ARMH1: variants seen among roughly 807,000 people sequenced by gnomAD.
The protein encoded by ARMH1 is armadillo-like helical domain containing protein 1.
ARMH1 carries 34 observed loss-of-function variants against 50.2 expected under a neutral mutation model. The observed-to-expected ratio is 0.68, with a 90% confidence interval of 0.51 to 0.90. The LOEUF (loss-of-function observed/expected upper bound fraction) is 0.90, where lower values mean the gene tolerates loss of function less well. Among genes scored for constraint, ARMH1 ranks in the 40% least tolerant of loss-of-function variants. The pLI is 0.00. For synonymous variants in ARMH1, 221 were observed against 224.2 expected (o/e 0.99, Z 0.13); for missense variants, 538 against 553.9 (o/e 0.97, Z 0.29).
Position 44,724,642 on chromosome 1 carries a change from C to A in ARMH1, c.1024C>A (p.Gln342Lys), listed in dbSNP as rs951935201. The A allele has an allele frequency of 1.4e-5, 21 of 1,503,150 alleles. No homozygotes were observed. Among genetic ancestry groups the A allele is most frequent in the African/African-American group, 1.5e-5 (1 of 68,644 alleles). 93.1% of individuals were successfully genotyped at this position (1,503,150 alleles called of 1,614,324 possible). The change falls in exon 9 of 12, where the codon CAG (glutamine) becomes AAG (lysine). Residue 342 changes from glutamine to lysine, a missense_variant. Physicochemically the swap from Gln to Lys is moderately conservative, Grantham distance 53 (BLOSUM62 1). Coordinates refer to ENST00000535358, the MANE Select transcript of ARMH1 (RefSeq NM_001145636.2). This position sits in a 1 kb window ranked among gnomAD's most constrained non-coding sequence, Gnocchi z 6.4. ...AMGNTDHSNS[Q>K]RLASLTLECF... is the part of the protein sequence containing the mutation. Reference sequence around the variant, plus strand: ...GGGCAACACGGACCACAGCAACAGCCAGCGGCTGGCCAGCCTCACGCTGGA... The same window carrying A: ...GGGCAACACGGACCACAGCAACAGCAAGCGGCTGGCCAGCCTCACGCTGGA...
chr1:44,712,862 C>T (rs548442169), intron 6 of ARMH1, among the ~76,000 whole-genome samples: 2 of 152,046 alleles, frequency 1.3e-5, no homozygotes, highest in South Asian at 4.2e-4. Flanking sequence ...CAGGGTTTCA[C>T]CGTGTTGGTC....
intron 6 of ARMH1, among the ~76,000 whole-genome samples, chr1:44,713,358 C>T (rs904700762): frequency 2.0e-5 from 3 of 152,052 alleles, no homozygotes; most frequent in Non-Finnish European, 4.4e-5. Flanking sequence ...CTCGGGCTCC[C>T]AAAGTGCTGG....
At chr1:44,680,996 C>CTTTTTTT (rs1333237982) in intron 1 of ARMH1, among the ~76,000 whole-genome samples, 1 of 138,924 alleles carries the variant, frequency 7.2e-6, no homozygotes, top group Non-Finnish European at 1.5e-5. Flanking sequence ...TTCCGATCCC[C>CTTTTTTT]TTTTTTTTTT....
intron 1 of ARMH1, among the ~76,000 whole-genome samples, chr1:44,675,969 G>A (rs1209680673): frequency 1.4e-4 from 21 of 151,996 alleles, no homozygotes; most frequent in African/African-American, 5.1e-4. Context: ...CAAAAAAAAA[G>A]AAACATTAGT....
rs1557578087 is a variant in ARMH1, at chr1:44,725,403, A to G, written c.1323A>G (p.Ter441=). 1 of 1,551,814 alleles carries G rather than the reference A, an allele frequency of 6.4e-7. No homozygotes were observed. The highest frequency in any genetic ancestry group is 1.2e-5 in the South Asian group (1 of 84,062). The stretch of plus-strand genomic sequence containing the variant: ...AGGAGGATGTAGAATCAAAGGAGTA[A>G]CAGCCCCTGTGGCAAACCAGGAAGG... ...HFEEDVESKE[*] The change falls in exon 12 of 12, where the codon TAA becomes TAG. Residue 441 remains the stop codon, a stop_retained_variant. Coordinates refer to ENST00000535358, the MANE Select transcript of ARMH1 (RefSeq NM_001145636.2).
At position 44,724,657 on chromosome 1, in the gene ARMH1, C is replaced by T; in HGVS notation, c.1039C>T (p.Leu347Phe). The change falls in exon 9 of 12, where the codon CTC becomes TTC. Residue 347 changes from leucine to phenylalanine, a missense_variant. Transcript: ENST00000535358. This position sits in a 1 kb window ranked among gnomAD's most constrained non-coding sequence, Gnocchi z 6.4. ...CAGCAACAGCCAGCGGCTGGCCAGC[C>T]TCACGCTGGAGGTGCGCGCGGCGGC... ...DHSNSQRLAS[L>F]TLECFVQMFP... The T allele has an allele frequency of 2.7e-6, 4 of 1,499,180 alleles. No homozygotes were observed. Among genetic ancestry groups the T allele is most frequent in the Non-Finnish European group, 3.5e-6 (4 of 1,129,524 alleles). 92.9% of individuals were successfully genotyped at this position (1,499,180 alleles called of 1,614,324 possible).
intron 6 of ARMH1, among the ~76,000 whole-genome samples, chr1:44,707,910 T>C (rs1443945756): frequency 6.6e-6 from 1 of 152,246 alleles, no homozygotes; most frequent in Non-Finnish European, 1.5e-5. Flanking sequence ...ACAATGAAAC[T>C]ACATGCCTCA....
intron 6 of ARMH1, among the ~76,000 whole-genome samples, chr1:44,707,447 T>C (rs1301318654): frequency 1.1e-4 from 16 of 152,210 alleles, no homozygotes; most frequent in Admixed American, 1.0e-3. Flanking sequence ...ATTTCTTTTT[T>C]GAGGCAGGGT....
In ARMH1 at chr1:44,725,321, T is replaced by G. The variant is rs1391347289; in HGVS notation, c.1241T>G (p.Met414Arg). 6.4e-7 allele frequency: 1 copy of G among 1,551,682 alleles called. No homozygotes were observed. The highest frequency in any genetic ancestry group is 1.4e-5 in the African/African-American group (1 of 73,052). ...ALCLHGSSYS[M>R]NTLYGSRDSA... ...TGCCTCCATGGCAGCTCCTACAGCA[T>G]GAACACTCTCTATGGCTCGCGCGAT... The change falls in exon 12 of 12, where the codon ATG (methionine) becomes AGG (arginine). Residue 414 changes from methionine to arginine, a missense_variant. By Grantham distance (91) the Met-to-Arg change is moderately conservative. Coordinates refer to ENST00000535358, the MANE Select transcript of ARMH1 (RefSeq NM_001145636.2).
At chr1:44,721,860 A>G (rs528687974) in intron 6 of ARMH1, 2 of 152,312 alleles carry the variant, frequency 1.3e-5, no homozygotes, top group South Asian at 4.1e-4. Context: ...AATCTTTAGT[A>G]AAAGGCGAAA....
chr1:44,697,479 C>T (rs1397627098), intron 3 of ARMH1, among the ~76,000 whole-genome samples: 2 of 152,150 alleles, frequency 1.3e-5, no homozygotes, highest in Non-Finnish European at 2.9e-5. Context: ...GGTAGAAATA[C>T]ATATTTCAGC....
chr1:44,700,421 T>C (rs541485309), intron 4 of ARMH1, among the ~76,000 whole-genome samples: 2 of 152,114 alleles, frequency 1.3e-5, no homozygotes, highest in African/African-American at 2.4e-5. Context: ...ATAAAGACCA[T>C]CCTGGCTAAC....
At chr1:44,693,444 TTTG>T (rs891652161) in intron 2 of ARMH1, among the ~76,000 whole-genome samples, 2 of 152,120 alleles carry the variant, frequency 1.3e-5, no homozygotes, top group Non-Finnish European at 2.9e-5. Context: ...TCATCATGGA[TTTG>T]TTGTTGTTGT....
intron 6 of ARMH1, among the ~76,000 whole-genome samples, chr1:44,709,499 C>A (rs567369733): frequency 1.3e-5 from 2 of 152,028 alleles, no homozygotes; most frequent in African/African-American, 2.4e-5. Flanking sequence ...GGTGAAACCC[C>A]ATCTCTACTA....
At position 44,679,258 on chromosome 1, in the gene ARMH1, G is replaced by T. The variant is rs145530016; in HGVS notation, c.-23+4385G>T. On this transcript the variant is annotated intron_variant, in intron 1 of 11. Transcript: ENST00000535358. The stretch of plus-strand genomic sequence containing the variant: ...CAGAGAGATCCCAATAAGCATGATG[G>T]CATACATATATTTTTCTCTGGCATT... 1.2e-4 allele frequency among the ~76,000 whole-genome samples: 18 copies of T among 152,244 alleles called. No homozygotes were observed. The South Asian group carries it at 2.5e-3, about 21-fold the overall frequency.
At chr1:44,717,459 G>C (rs936356765) in intron 6 of ARMH1, among the ~76,000 whole-genome samples, 3 of 152,092 alleles carry the variant, frequency 2.0e-5, no homozygotes, top group Non-Finnish European at 2.9e-5. Flanking sequence ...GCCAATTCAC[G>C]CATCACCGTC....
Position 44,724,527 on chromosome 1 carries a change from C to T in ARMH1, c.921-12C>T, listed in dbSNP as rs1243778677. The T allele has an allele frequency of 4.0e-6, 6 of 1,505,126 alleles. No individual in the cohort carries two copies. Among genetic ancestry groups the T allele is most frequent in the South Asian group, 1.2e-5 (1 of 81,284 alleles). The allele number at this position is 1,505,126 out of a possible 1,614,324, so 93.2% of individuals were successfully genotyped here. On this transcript the variant is annotated splice_polypyrimidine_tract_variant and intron_variant, in intron 8 of 11. Coordinates refer to ENST00000535358, the MANE Select transcript of ARMH1 (RefSeq NM_001145636.2). This position sits in a 1 kb window ranked among gnomAD's most constrained non-coding sequence, Gnocchi z 6.4. ...CCCCAGGGCGTCGCCCCAGCCCGAACCCCCGGCCCAGGGTCCTGGCGCGCA... is the reference window on the plus strand; with the variant it reads ...CCCCAGGGCGTCGCCCCAGCCCGAATCCCCGGCCCAGGGTCCTGGCGCGCA...
Position 44,704,122 on chromosome 1 carries a change from G to T in ARMH1, c.673G>T (p.Asp225Tyr). 6.4e-7 allele frequency: 1 copy of T among 1,551,294 alleles called. No homozygotes were observed. Among genetic ancestry groups the T allele is most frequent in the Non-Finnish European group, 8.7e-7 (1 of 1,146,828 alleles). The change falls in exon 6 of 12, where the codon GAC becomes TAC. Residue 225 changes from aspartate to tyrosine, a missense_variant. Transcript: ENST00000535358. Reference protein sequence around the residue: ...IIGTTHPSIVDCVLKVLGTMH... With the variant: ...IIGTTHPSIVYCVLKVLGTMH... ...TGGGACCACACACCCCAGCATCGTG[G>T]ACTGCGTGCTGAAGGTGCTGGGCAC... is the stretch of plus-strand genomic sequence containing the variant.
Position 44,709,717 on chromosome 1 carries a change from G to A in ARMH1, c.724+5544G>A, listed in dbSNP as rs182276594. On this transcript the variant is annotated intron_variant, in intron 6 of 11. Transcript: ENST00000535358. ...CTGAGCATGGTGGCGCGCACCTGTAGTCCCAGCTACTCAGGGAGGCTGAGG... is the reference window on the plus strand; with the variant it reads ...CTGAGCATGGTGGCGCGCACCTGTAATCCCAGCTACTCAGGGAGGCTGAGG... 3.4e-3 allele frequency among the ~76,000 whole-genome samples: 516 copies of A among 150,922 alleles called. 5 individuals are homozygous for A. The highest frequency in any genetic ancestry group is 0.012 in the African/African-American group (481 of 41,008).
Sources: allele counts gnomAD v4.1 joint callset (sites outside exome capture counted in the v4.1 genomes callset), GRCh38; gene constraint gnomAD v4.1.1; non-coding constraint Gnocchi (gnomAD v3.1); transcripts MANE v1.5; gene names NCBI Gene and HGNC (gene_info 2026-07-23, HGNC 2026-07-21).